The following STAU2 variants were observed in gnomAD, a reference collection of about 807,000 sequenced individuals.
STAU2 encodes double-stranded RNA-binding protein Staufen homolog 2.
In STAU2, 20 loss-of-function variants were observed where a neutral mutation model predicts 65.9. The ratio of observed to expected loss-of-function variants is 0.30; its 90% CI spans 0.21 to 0.44. STAU2 has a LOEUF of 0.44. Among genes scored for constraint, STAU2 ranks in the 20% least tolerant of loss-of-function variants. The pLI is 1.00. For synonymous variants in STAU2, 232 were observed against 233.9 expected, an observed-to-expected ratio of 0.99 and a Z score of 0.07; for missense variants, 558 against 683.9, an observed-to-expected ratio of 0.82 and a Z score of 2.05.
At chr8:73,462,666 G>T (rs1470699366) in intron 13 of STAU2, among the ~76,000 whole-genome samples, 1 of 152,006 alleles carries the variant, frequency 6.6e-6, no homozygotes, top group African/African-American at 2.4e-5. Context: ...CAAGGTGCTG[G>T]GATTACAGGC....
intron 13 of STAU2, among the ~76,000 whole-genome samples, chr8:73,537,968 C>T (rs1461747199): frequency 6.6e-6 from 1 of 152,176 alleles, no homozygotes; most frequent in Non-Finnish European, 1.5e-5. Flanking sequence ...AAATGCACAA[C>T]CTCAATCTAA....
At chr8:73,504,406 T>C (rs1821937057) in intron 13 of STAU2, among the ~76,000 whole-genome samples, 1 of 152,162 alleles carries the variant, frequency 6.6e-6, no homozygotes, top group Admixed American at 6.5e-5. Flanking sequence ...TGTCACAAAA[T>C]ATTCATATTG....
At chr8:73,529,765 A>G (rs1164353889) in intron 13 of STAU2, among the ~76,000 whole-genome samples, 1 of 152,196 alleles carries the variant, frequency 6.6e-6, no homozygotes, top group African/African-American at 2.4e-5. Context: ...TGAAAGATAA[A>G]TGTAAAGGTG....
At chr8:73,544,832 T>G (rs1460960734) in intron 13 of STAU2, among the ~76,000 whole-genome samples, 1 of 152,218 alleles carries the variant, frequency 6.6e-6, no homozygotes, top group East Asian at 1.9e-4. Flanking sequence ...GACCATTGTG[T>G]AATGTTTGAA....
At chr8:73,477,127 C>T (rs12549676) in intron 13 of STAU2, among the ~76,000 whole-genome samples, 117,425 of 151,888 alleles carry the variant, frequency 0.77, 45,840 homozygotes, top group East Asian at 0.95. Flanking sequence ...GTAGTGCCAC[C>T]TGGGGACACT....
chr8:73,448,718 A>T (rs1419960787), intron 13 of STAU2, among the ~76,000 whole-genome samples: 1 of 152,254 alleles, frequency 6.6e-6, no homozygotes, highest in African/African-American at 2.4e-5. Flanking sequence ...CCTGGCCTTG[A>T]ACCCTGGTTA....
chr8:73,490,813 A>T (rs903961891), intron 13 of STAU2, among the ~76,000 whole-genome samples: 1 of 152,046 alleles, frequency 6.6e-6, no homozygotes, highest in African/African-American at 2.4e-5. Flanking sequence ...ATTGATAAAT[A>T]ATGCCATGCA....
intron 13 of STAU2, among the ~76,000 whole-genome samples, chr8:73,431,052 TGTG>T (rs1352713183): frequency 6.6e-6 from 1 of 152,176 alleles, no homozygotes; most frequent in Non-Finnish European, 1.5e-5. Context: ...CTTGGGGAGT[TGTG>T]GGAAGAAGGC....
At chr8:73,471,056 A>G (rs13258895) in intron 13 of STAU2, among the ~76,000 whole-genome samples, 50,925 of 151,914 alleles carry the variant, frequency 0.34, 9,901 homozygotes, top group Non-Finnish European at 0.43. Flanking sequence ...GTTCCTCTAA[A>G]TCAGTACTCC....
chr8:73,698,472 G>A lies in STAU2; in HGVS notation c.115-9659C>T, dbSNP rs967411372. ...ATGGAGAAACATATTCCATGGCAAC[G>A]GAAACCAAAAAAGAGCAGACACAGC... is the stretch of plus-strand genomic sequence containing the variant. On this transcript the variant is annotated intron_variant, in intron 4 of 14. Coordinates refer to ENST00000524300, the MANE Select transcript of STAU2 (RefSeq NM_001164380.2). Among the ~76,000 whole-genome samples, 9 of 151,808 alleles carry A rather than the reference G, an allele frequency of 5.9e-5. No individual in the cohort carries two copies. The South Asian group carries it at 1.5e-3, about 24-fold the overall frequency.
At chr8:73,470,432 A>G (rs1185069857) in intron 13 of STAU2, among the ~76,000 whole-genome samples, 1 of 152,198 alleles carries the variant, frequency 6.6e-6, no homozygotes, top group Non-Finnish European at 1.5e-5. Flanking sequence ...ATCTGCACAG[A>G]AGAAAGGGAT....
intron 3 of STAU2, among the ~76,000 whole-genome samples, chr8:73,709,735 C>T (rs1300344949): frequency 6.6e-6 from 1 of 151,646 alleles, no homozygotes; most frequent in Non-Finnish European, 1.5e-5. Context: ...TTAACAAGTG[C>T]CCATGTACCT....
chr8:73,500,382 G>A (rs567571051), intron 13 of STAU2, among the ~76,000 whole-genome samples: 5 of 151,868 alleles, frequency 3.3e-5, no homozygotes, highest in Admixed American at 3.3e-4. Flanking sequence ...TTTGCTTTTT[G>A]AAACTTTGTG....
At chr8:73,631,913 C>G in intron 6 of STAU2, among the ~76,000 whole-genome samples, 1 of 151,314 alleles carries the variant, frequency 6.6e-6, no homozygotes, top group East Asian at 1.9e-4. Flanking sequence ...CTTACCCACC[C>G]GCAAAAGAGA....
At chr8:73,577,832 T>C (rs897401631) in intron 12 of STAU2, among the ~76,000 whole-genome samples, 2 of 152,244 alleles carry the variant, frequency 1.3e-5, no homozygotes, top group Non-Finnish European at 2.9e-5. Flanking sequence ...CATTTTTTCA[T>C]GATTTCTTAT....
At chr8:73,721,157 G>T (rs1331807197) in intron 3 of STAU2, among the ~76,000 whole-genome samples, 2 of 149,390 alleles carry the variant, frequency 1.3e-5, no homozygotes, top group Non-Finnish European at 3.0e-5. Flanking sequence ...GGGTGTGGCG[G>T]CACACATTTA....
At chr8:73,516,899 A>G (rs1256654938) in intron 13 of STAU2, among the ~76,000 whole-genome samples, 1 of 152,180 alleles carries the variant, frequency 6.6e-6, no homozygotes, top group Admixed American at 6.5e-5. Flanking sequence ...TAACTTTCAC[A>G]TCTATTTAGC....
At chr8:73,724,523 A>T (rs978078623) in intron 3 of STAU2, among the ~76,000 whole-genome samples, 6 of 152,028 alleles carry the variant, frequency 3.9e-5, no homozygotes, top group Non-Finnish European at 8.8e-5. Flanking sequence ...CATTCAATAA[A>T]TTATAATGAG....
At chr8:73,618,286 T>C (rs1812983583) in intron 6 of STAU2, among the ~76,000 whole-genome samples, 2 of 152,044 alleles carry the variant, frequency 1.3e-5, no homozygotes, top group South Asian at 4.1e-4. Context: ...GGTTCAGAAG[T>C]GTCAGGGAGG....
Sources: gnomAD v4.1 joint callset for allele counts (sites outside exome capture counted in the v4.1 genomes callset) on GRCh38, gnomAD v4.1.1 for gene constraint, MANE v1.5 for transcripts, NCBI Gene and HGNC (gene_info 2026-07-23, HGNC 2026-07-21) for gene names.